The following PRKN variants were observed in gnomAD, a reference collection of about 807,000 sequenced individuals.
PRKN encodes E3 ubiquitin-protein ligase parkin.
A neutral mutation model predicts 59.5 loss-of-function variants in PRKN; 56 were observed. The observed-to-expected ratio is 0.94, with a 90% CI of 0.76 to 1.18. PRKN has a LOEUF of 1.18. PRKN is among the 50% of genes most tolerant of loss of function. The probability of loss-of-function intolerance (pLI) is 0.00; values close to 1 mark genes in which losing one functional copy is unlikely to be tolerated. For synonymous variants in PRKN, 250 were observed against 222.1 expected, an observed-to-expected ratio of 1.13 and a Z score of -1.12; for missense variants, 657 against 596.4, an observed-to-expected ratio of 1.10 and a Z score of -1.06.
chr6:162,432,015 A>G (rs978406240), intron 2 of PRKN, among the ~76,000 whole-genome samples: 2 of 152,186 alleles, frequency 1.3e-5, no homozygotes, highest in African/African-American at 4.8e-5. Flanking sequence ...GATTAAGTCT[A>G]TTTTAAAGCT....
intron 7 of PRKN, among the ~76,000 whole-genome samples, chr6:161,680,748 TATATATATATATATA>T (rs1785297327): frequency 1.6e-4 from 2 of 12,722 alleles, no homozygotes; most frequent in Non-Finnish European, 1.8e-4. Flanking sequence ...TATATATATA[TATATATATATATATA>T]TATATATATA....
rs1791504573 is a variant in PRKN at position 161,483,327 on chromosome 6, A to T, written c.1083+65527T>A. Among the ~76,000 whole-genome samples the T allele has an allele frequency of 6.6e-6, 1 of 152,194 alleles. No homozygotes were observed. Among genetic ancestry groups the T allele is most frequent in the African/African-American group, 2.4e-5 (1 of 41,448 alleles). On this transcript the variant is annotated intron_variant, in intron 9 of 11. Coordinates refer to ENST00000366898, the MANE Select transcript of PRKN (RefSeq NM_004562.3). The surrounding 1 kb of genome is among the most constrained non-coding windows in gnomAD (Gnocchi z 5.0). ...AACTCCAAAGCACTGGTTAATAGTT[A>T]TAAAAATGTTTCACAGTGCTCCATG...
chr6:162,230,085 T>C (rs1411870845), intron 3 of PRKN, among the ~76,000 whole-genome samples: 1 of 152,192 alleles, frequency 6.6e-6, no homozygotes, highest in Non-Finnish European at 1.5e-5. Context: ...AATTCTTATA[T>C]TCTATTATTG....
At chr6:161,762,735 A>G (rs931723015) in intron 7 of PRKN, among the ~76,000 whole-genome samples, 2 of 152,242 alleles carry the variant, frequency 1.3e-5, no homozygotes, top group South Asian at 2.1e-4. Context: ...AATTCTACAC[A>G]TAATAAGTTT....
intron 7 of PRKN, among the ~76,000 whole-genome samples, chr6:161,759,587 A>G (rs1583118026): frequency 6.6e-6 from 1 of 152,194 alleles, no homozygotes; most frequent in African/African-American, 2.4e-5. Flanking sequence ...AGTGGCAGCC[A>G]TTTCCAACTT....
chr6:162,399,893 A>G (rs973206290), intron 2 of PRKN, among the ~76,000 whole-genome samples: 2 of 152,212 alleles, frequency 1.3e-5, no homozygotes, highest in African/African-American at 2.4e-5. Context: ...AACGGCCTGT[A>G]TGATTTGGAA....
At chr6:161,972,027 A>G (rs1372677738) in intron 6 of PRKN, among the ~76,000 whole-genome samples, 1 of 152,196 alleles carries the variant, frequency 6.6e-6, no homozygotes, top group Non-Finnish European at 1.5e-5. Flanking sequence ...TAATCCCAGC[A>G]CTTGGTGGGG....
chr6:161,517,447 G>A (rs144494493), intron 9 of PRKN, among the ~76,000 whole-genome samples: 10 of 152,114 alleles, frequency 6.6e-5, no homozygotes, highest in African/African-American at 2.2e-4. Context: ...GAAATCAAGA[G>A]TTGAGGTGCT....
intron 4 of PRKN, among the ~76,000 whole-genome samples, chr6:162,086,946 G>A (rs971315404): frequency 3.3e-5 from 5 of 152,276 alleles, no homozygotes; most frequent in South Asian, 2.1e-4. Context: ...AAATTCAAGC[G>A]TAAATTGAGC....
intron 2 of PRKN, among the ~76,000 whole-genome samples, chr6:162,425,760 C>A (rs1484990766): frequency 6.6e-6 from 1 of 152,044 alleles, no homozygotes; most frequent in African/African-American, 2.4e-5. Flanking sequence ...AATAAAAAGT[C>A]CAACATATAA....
chr6:162,194,045 T>G (rs886649162), intron 4 of PRKN, among the ~76,000 whole-genome samples: 1 of 152,190 alleles, frequency 6.6e-6, no homozygotes, highest in Non-Finnish European at 1.5e-5. Flanking sequence ...GTTTTTTAAA[T>G]CTGGAGTAAC....
At chr6:162,660,979 G>A (rs986030385) in intron 1 of PRKN, among the ~76,000 whole-genome samples, 4 of 152,036 alleles carry the variant, frequency 2.6e-5, no homozygotes, top group Admixed American at 6.6e-5. Context: ...GAACAAGGGA[G>A]GGCCGGGTAC....
At position 162,262,839 on chromosome 6, in the gene PRKN, A is replaced by ACTTGCC. The variant is rs2128100253; in HGVS notation, c.172-80_172-75dup. ...AACATGAAATGCGAGATAGAGTTTA[A>ACTTGCC]CTTGCCCTCCGTGGTAGAAGGGAAG... is the stretch of plus-strand genomic sequence containing the variant. On this transcript the variant is annotated intron_variant, in intron 2 of 11. Transcript: ENST00000366898. The ACTTGCC allele has an allele frequency of 3.8e-6, 6 of 1,571,906 alleles. No homozygotes were observed. In the South Asian group the frequency reaches 5.7e-5, roughly 15 times the overall value.
intron 7 of PRKN, among the ~76,000 whole-genome samples, chr6:161,622,585 C>T (rs1782946880): frequency 1.3e-5 from 2 of 152,202 alleles, no homozygotes; most frequent in Non-Finnish European, 2.9e-5. Flanking sequence ...GTCTTCCCTC[C>T]ACCCCACAGT....
intron 4 of PRKN, among the ~76,000 whole-genome samples, chr6:162,124,429 C>T (rs562983649): frequency 6.6e-6 from 1 of 152,204 alleles, no homozygotes; most frequent in Non-Finnish European, 1.5e-5. Context: ...CACTACACTA[C>T]ATTAAGTACA....
At chr6:161,855,437 A>ATATATTCTAG (rs1793611903) in intron 6 of PRKN, among the ~76,000 whole-genome samples, 1 of 152,190 alleles carries the variant, frequency 6.6e-6, no homozygotes, top group South Asian at 2.1e-4. Context: ...AAATTGACTG[A>ATATATTCTAG]ATATATCTAA....
intron 2 of PRKN, among the ~76,000 whole-genome samples, chr6:162,386,629 G>A (rs575617656): frequency 3.5e-4 from 53 of 152,304 alleles, no homozygotes; most frequent in East Asian, 1.5e-3. Flanking sequence ...GCACATCCCC[G>A]TGCCTGTGCT....
chr6:162,020,896 A>G (rs1212740719), intron 5 of PRKN, among the ~76,000 whole-genome samples: 1 of 151,768 alleles, frequency 6.6e-6, no homozygotes, highest in Non-Finnish European at 1.5e-5. Context: ...TGAAGTCAGG[A>G]CTTCGAGATC....
In PRKN at chr6:161,419,151, G is replaced by A. The variant is rs6900947; in HGVS notation, c.1084-32274C>T. Among the ~76,000 whole-genome samples the A allele has an allele frequency of 0.023, 3,571 of 152,270 alleles. 169 individuals carry two copies. Among genetic ancestry groups the A allele is most frequent in the African/African-American group, 0.082 (3,407 of 41,522 alleles). On this transcript the variant is annotated intron_variant, in intron 9 of 11. Transcript: ENST00000366898. The surrounding 1 kb of genome is among the most constrained non-coding windows in gnomAD (Gnocchi z 4.1). The stretch of plus-strand genomic sequence containing the variant: ...TGCGTAGCTATGCAATGAAAATGGT[G>A]AGAATCCTTTACGAGCTAACGTGCT...
Sources: allele counts gnomAD v4.1 joint callset (sites outside exome capture counted in the v4.1 genomes callset), GRCh38; gene constraint gnomAD v4.1.1; non-coding constraint Gnocchi (gnomAD v3.1); transcripts MANE v1.5; gene names NCBI Gene and HGNC (gene_info 2026-07-23, HGNC 2026-07-21).